The following PPP1R16B variants were observed in gnomAD, a reference collection of about 807,000 sequenced individuals.
PPP1R16B encodes protein phosphatase 1 regulatory inhibitor subunit 16B.
A neutral mutation model predicts 61.7 loss-of-function variants in PPP1R16B; 14 were observed. The observed-to-expected ratio is 0.23, with a 90% CI of 0.15 to 0.35. The LOEUF (loss-of-function observed/expected upper bound fraction) is 0.35. Ranked by LOEUF, PPP1R16B falls within the 10% of genes least tolerant of loss-of-function variation. The probability of loss-of-function intolerance (pLI) is 1.00; values close to 1 mark genes in which losing one functional copy is unlikely to be tolerated. For synonymous variants in PPP1R16B, 266 were observed against 305.3 expected, an observed-to-expected ratio of 0.87 and a Z score of 1.34; for missense variants, 547 against 752.5, an observed-to-expected ratio of 0.73 and a Z score of 3.19.
intron 1 of PPP1R16B, among the ~76,000 whole-genome samples, chr20:38,813,168 T>G (rs905156475): frequency 7.9e-5 from 12 of 152,210 alleles, no homozygotes; most frequent in Non-Finnish European, 2.9e-5. Flanking sequence ...ACTGTGCCCC[T>G]TCTCTGTGTG....
intron 1 of PPP1R16B, among the ~76,000 whole-genome samples, chr20:38,811,995 T>G (rs2145702428): frequency 6.6e-6 from 1 of 152,324 alleles, no homozygotes; most frequent in Non-Finnish European, 1.5e-5. Flanking sequence ...ACAATCAATA[T>G]GCATTAAAGG....
chr20:38,875,970 C>CTTTTTT (rs34445273), intron 2 of PPP1R16B, among the ~76,000 whole-genome samples: 2 of 104,156 alleles, frequency 1.9e-5, no homozygotes, highest in Non-Finnish European at 3.7e-5. Context: ...TGGTTTTGAA[C>CTTTTTT]TTTTTTTTTT....
chr20:38,810,720 C>T (rs1017396427), intron 1 of PPP1R16B, among the ~76,000 whole-genome samples: 9 of 152,118 alleles, frequency 5.9e-5, no homozygotes, highest in African/African-American at 1.9e-4. Context: ...TTACTTGCAT[C>T]GCCATTGAAT....
chr20:38,883,878 T>C (rs1394281443), intron 2 of PPP1R16B, among the ~76,000 whole-genome samples: 1 of 152,194 alleles, frequency 6.6e-6, no homozygotes, highest in Non-Finnish European at 1.5e-5. Context: ...AGCACTGTTG[T>C]GATCCCCATT....
chr20:38,821,685 T>C (rs185892147), intron 1 of PPP1R16B, among the ~76,000 whole-genome samples: 1 of 152,180 alleles, frequency 6.6e-6, no homozygotes. Context: ...TTTAGTGGAA[T>C]TGATGCTTTG....
intron 2 of PPP1R16B, among the ~76,000 whole-genome samples, chr20:38,861,354 C>T (rs1295000599): frequency 6.6e-6 from 1 of 152,212 alleles, no homozygotes. Flanking sequence ...GAGGATGAGA[C>T]CCCTTCCCAC....
Position 38,828,397 on chromosome 20 carries a change from G to A in PPP1R16B, c.-101-7428G>A, listed in dbSNP as rs192815519. ...TTTGCTACAAGCAGCAGTTGCCTCT[G>A]GGGTCCCTATTTCTGCACCCCTAAA... is the stretch of plus-strand genomic sequence containing the variant. On this transcript the variant is annotated intron_variant, in intron 1 of 10. Transcript: ENST00000299824. Among the ~76,000 whole-genome samples, 430 of 152,304 alleles carry A rather than the reference G, an allele frequency of 2.8e-3. 2 individuals carry two copies. Among genetic ancestry groups the A allele is most frequent in the African/African-American group, 9.8e-3 (406 of 41,564 alleles).
intron 4 of PPP1R16B, among the ~76,000 whole-genome samples, chr20:38,899,130 T>C (rs1228905557): frequency 6.6e-6 from 1 of 152,042 alleles, no homozygotes; most frequent in Non-Finnish European, 1.5e-5. Context: ...CCCGGGGGGA[T>C]GGATATGACA....
intron 2 of PPP1R16B, among the ~76,000 whole-genome samples, chr20:38,846,348 G>A (rs545965706): frequency 1.3e-5 from 2 of 152,240 alleles, no homozygotes; most frequent in African/African-American, 2.4e-5. Flanking sequence ...AGAAGGGATC[G>A]CAGAGAAGGG....
At chr20:38,820,325 GA>G (rs1224726256) in intron 1 of PPP1R16B, among the ~76,000 whole-genome samples, 1 of 152,154 alleles carries the variant, frequency 6.6e-6, no homozygotes, top group Middle Eastern at 3.2e-3. Flanking sequence ...TTGGGAGGCC[GA>G]GGCGAGCGGA....
At chr20:38,888,920 CA>C (rs1330787574) in intron 2 of PPP1R16B, among the ~76,000 whole-genome samples, 97 of 150,998 alleles carry the variant, frequency 6.4e-4, no homozygotes, top group African/African-American at 2.2e-3. Context: ...CACACACACA[CA>C]CACACACCCC....
intron 2 of PPP1R16B, among the ~76,000 whole-genome samples, chr20:38,871,569 TAAG>T (rs2085129213): frequency 9.2e-6 from 1 of 108,960 alleles, no homozygotes; most frequent in Non-Finnish European, 1.8e-5. Flanking sequence ...AGGTAGAGAG[TAAG>T]GAAGAGAGGA....
intron 2 of PPP1R16B, among the ~76,000 whole-genome samples, chr20:38,864,449 C>T (rs754527543): frequency 6.6e-6 from 1 of 152,198 alleles, no homozygotes; most frequent in African/African-American, 2.4e-5. Flanking sequence ...CCTAAATATT[C>T]ACCCATTTCA....
intron 1 of PPP1R16B, among the ~76,000 whole-genome samples, chr20:38,813,946 G>A (rs1028596840): frequency 3.0e-4 from 46 of 151,968 alleles, no homozygotes; most frequent in African/African-American, 1.1e-3. Context: ...ACAGGCACCC[G>A]CCACCACTCC....
intron 2 of PPP1R16B, among the ~76,000 whole-genome samples, chr20:38,840,813 A>G (rs1461908310): frequency 6.6e-6 from 1 of 152,212 alleles, no homozygotes; most frequent in Admixed American, 6.5e-5. Context: ...TTTACTTCTC[A>G]GTGCCTCCAT....
At chr20:38,849,088 AAGCTGT>A (rs1309492553) in intron 2 of PPP1R16B, among the ~76,000 whole-genome samples, 1 of 152,150 alleles carries the variant, frequency 6.6e-6, no homozygotes, top group African/African-American at 2.4e-5. Context: ...TCTTTTAGGA[AAGCTGT>A]AGGGTTTTTT....
rs1210194604 is a variant in PPP1R16B, at chr20:38,806,041, G to A, written c.-102+249G>A. Among the ~76,000 whole-genome samples the A allele has an allele frequency of 6.6e-6, 1 of 151,316 alleles. No individual in the cohort carries two copies. Among genetic ancestry groups the A allele is most frequent in the Non-Finnish European group, 1.5e-5 (1 of 67,744 alleles). The stretch of plus-strand genomic sequence containing the variant: ...CTCCCCGGCCTCGCAATTCCTTGAC[G>A]AGGCCAGGGGAGGGGGCGCATTGGC... On this transcript the variant is annotated intron_variant, in intron 1 of 10. Transcript: ENST00000299824. This position sits in a 1 kb window ranked among gnomAD's most constrained non-coding sequence, Gnocchi z 4.5.
chr20:38,872,484 A>G (rs2085136957), intron 2 of PPP1R16B, among the ~76,000 whole-genome samples: 1 of 152,178 alleles, frequency 6.6e-6, no homozygotes, highest in Non-Finnish European at 1.5e-5. Flanking sequence ...TGGAGACACC[A>G]TTCTCAAACT....
chr20:38,862,016 T>C (rs965875588), intron 2 of PPP1R16B, among the ~76,000 whole-genome samples: 14 of 152,164 alleles, frequency 9.2e-5, no homozygotes, highest in Non-Finnish European at 2.9e-5. Context: ...TGGACTCTTG[T>C]GAGGCTGACA....
Sources: allele counts gnomAD v4.1 joint callset (sites outside exome capture counted in the v4.1 genomes callset), GRCh38; gene constraint gnomAD v4.1.1; non-coding constraint Gnocchi (gnomAD v3.1); transcripts MANE v1.5; gene names NCBI Gene and HGNC (gene_info 2026-07-23, HGNC 2026-07-21).